The following ERICH3 variants were observed in gnomAD, a reference collection of about 807,000 sequenced individuals.
The protein encoded by ERICH3 is glutamate-rich protein 3.
Under a neutral mutation model 131.1 loss-of-function variants are expected in ERICH3, and 126 were observed. The ratio of observed to expected loss-of-function variants is 0.96; its 90% CI spans 0.83 to 1.11. ERICH3 has a LOEUF of 1.11. ERICH3 is among the 50% of genes most tolerant of loss of function. The probability of loss-of-function intolerance (pLI) is 0.00; values close to 1 mark genes in which losing one functional copy is unlikely to be tolerated. For synonymous variants in ERICH3, 695 were observed against 644.6 expected (o/e 1.08, Z -1.18); for missense variants, 2,050 against 1,810.7 (o/e 1.13, Z -2.40).
chr1:74,579,607 C>T, intron 12 of ERICH3: 1 of 985,352 alleles, frequency 1.0e-6, no homozygotes, highest in Non-Finnish European at 1.2e-6. Flanking sequence ...CCAGAAAAGG[C>T]TTCACTTGGT....
rs752741389 is a variant in ERICH3 at position 74,646,711 on chromosome 1, C to A, written c.199G>T (p.Glu67Ter). The change falls in exon 3 of 15, where the codon GAA becomes TAA. Residue 67 changes from glutamate (E) to a stop codon, truncating the protein, a stop_gained. Transcript: ENST00000326665. LOFTEE classifies it high-confidence loss of function. Reference sequence around the variant, plus strand: ...TGAAAAATTGCCTGGGCTAAGCATTCCCGGATATATTTTTGATGATCCCGC... The same window carrying A: ...TGAAAAATTGCCTGGGCTAAGCATTACCGGATATATTTTTGATGATCCCGC... ...MKRDHQKYIRECLAQAIFHKV... is the reference protein window; with the variant it reads ...MKRDHQKYIR The A allele has an allele frequency of 6.7e-7, 1 of 1,485,600 alleles. No individual in the cohort carries two copies. The highest frequency in any genetic ancestry group is 1.3e-5 in the South Asian group (1 of 77,680). 92.0% of individuals were successfully genotyped at this position (1,485,600 alleles called of 1,614,324 possible). A position where few individuals can be genotyped will look rare whatever the true frequency, so the allele number is the denominator to read the frequency against.
chr1:74,611,896 T>C (rs897869772), intron 9 of ERICH3, among the ~76,000 whole-genome samples: 1 of 152,204 alleles, frequency 6.6e-6, no homozygotes, highest in Non-Finnish European at 1.5e-5. Context: ...ATCTCACATA[T>C]ATTAATTGCT....
In ERICH3 at chr1:74,591,037, A is replaced by G. The variant is rs535578959; in HGVS notation, c.1727-957T>C. Among the ~76,000 whole-genome samples, 23 of 152,286 alleles carry G rather than the reference A, an allele frequency of 1.5e-4. No homozygotes were observed. The East Asian group carries it at 3.7e-3, about 24-fold the overall frequency. ...GTGCATGAAACTTAAATTTTTGTCT[A>G]CTGTACTATCCACCATCCTAGTATA... On this transcript the variant is annotated intron_variant, in intron 11 of 14. Transcript: ENST00000326665.
At chr1:74,626,551 T>A (rs2100617794) in intron 7 of ERICH3, among the ~76,000 whole-genome samples, 1 of 152,320 alleles carries the variant, frequency 6.6e-6, no homozygotes, top group African/African-American at 2.4e-5. Context: ...AGTAGGTTCT[T>A]ATTTGGAAGC....
At chr1:74,587,642 A>T (rs1447290519) in intron 12 of ERICH3, among the ~76,000 whole-genome samples, 4 of 152,182 alleles carry the variant, frequency 2.6e-5, no homozygotes, top group Non-Finnish European at 5.9e-5. Flanking sequence ...CTACTTACAC[A>T]AATTCAGGTA....
At chr1:74,608,155 C>A (rs1335150585) in intron 9 of ERICH3, among the ~76,000 whole-genome samples, 1 of 151,880 alleles carries the variant, frequency 6.6e-6, no homozygotes, top group African/African-American at 2.4e-5. Context: ...TATGATTTAA[C>A]TAGTAGAGAT....
chr1:74,644,172 T>G (rs942148952), intron 3 of ERICH3, among the ~76,000 whole-genome samples: 1 of 152,050 alleles, frequency 6.6e-6, no homozygotes, highest in African/African-American at 2.4e-5. Flanking sequence ...TTAGGAACCC[T>G]GCAGACTCAA....
At chr1:74,596,060 T>C (rs550868253) in intron 11 of ERICH3, among the ~76,000 whole-genome samples, 6 of 152,152 alleles carry the variant, frequency 3.9e-5, no homozygotes, top group Non-Finnish European at 7.4e-5. Flanking sequence ...AGCCAAAAGA[T>C]TAAGGGTGAG....
chr1:74,634,704 G>T, intron 6 of ERICH3: 2 of 709,740 alleles, frequency 2.8e-6, no homozygotes, highest in South Asian at 3.0e-5. Flanking sequence ...GTACTATCTA[G>T]GGGAGAGGAA....
Position 74,643,105 on chromosome 1 carries a change from A to T in ERICH3, c.244-7T>A. 6.2e-7 allele frequency: 1 copy of T among 1,605,684 alleles called. No homozygotes were observed. The highest frequency in any genetic ancestry group is 8.5e-7 in the Non-Finnish European group (1 of 1,175,132). On this transcript the variant is annotated splice_region_variant and splice_polypyrimidine_tract_variant and intron_variant, in intron 3 of 14. Transcript: ENST00000326665. Reference sequence around the variant, plus strand: ...TTTCAAGCTGATGGTAACGCTAAGCATACAGGAAAGAATAAAGGAGAGAAT... The same window carrying T: ...TTTCAAGCTGATGGTAACGCTAAGCTTACAGGAAAGAATAAAGGAGAGAAT...
At chr1:74,615,159 C>T (rs571616043) in intron 8 of ERICH3, 2 of 152,110 alleles carry the variant, frequency 1.3e-5, no homozygotes, top group Non-Finnish European at 1.5e-5. Flanking sequence ...GAACTGCCAC[C>T]CTTTGCCTTT....
chr1:74,657,050 C>T (rs1464926347), intron 1 of ERICH3, among the ~76,000 whole-genome samples: 1 of 152,140 alleles, frequency 6.6e-6, no homozygotes, highest in African/African-American at 2.4e-5. Flanking sequence ...GGTCCAATTC[C>T]TTGACATATA....
At chr1:74,649,832 T>A (rs938561755) in intron 1 of ERICH3, among the ~76,000 whole-genome samples, 1 of 152,110 alleles carries the variant, frequency 6.6e-6, no homozygotes, top group Non-Finnish European at 1.5e-5. Context: ...ATAATATCTG[T>A]GGTGTATAAG....
At position 74,612,659 on chromosome 1, in the gene ERICH3, C is replaced by A; in HGVS notation, c.1151G>T (p.Gly384Val). The A allele has an allele frequency of 6.3e-7, 1 of 1,588,680 alleles. No individual in the cohort carries two copies. Among genetic ancestry groups the A allele is most frequent in the Non-Finnish European group, 8.6e-7 (1 of 1,160,988 alleles). The change falls in exon 9 of 15, where the codon GGG (glycine) becomes GTG (valine). Residue 384 changes from glycine (G) to valine (V), a missense_variant. Gly to Val is a moderately radical substitution (Grantham distance 109). Coordinates refer to ENST00000326665, the MANE Select transcript of ERICH3 (RefSeq NM_001002912.5). ...AGATGATCTCTCAACACACACAAAC[C>A]CAAAGTAGCCTCGTTTGCCTCCAAG... ...SRLGGKRGYFGFVCVERSSPC... is the reference protein window; with the variant it reads ...SRLGGKRGYFVFVCVERSSPC...
At chr1:74,579,680 A>T (rs1460925647) in intron 12 of ERICH3, 1 of 985,264 alleles carries the variant, frequency 1.0e-6, no homozygotes, top group Non-Finnish European at 1.2e-6. Context: ...CTGGTGTCTA[A>T]CCTCAACTGT....
intron 11 of ERICH3, among the ~76,000 whole-genome samples, chr1:74,595,915 A>G (rs1326724336): frequency 6.6e-6 from 1 of 152,080 alleles, no homozygotes; most frequent in Admixed American, 6.6e-5. Flanking sequence ...GAAGCCATCT[A>G]TAACATTCCC....
chr1:74,572,196 C>T lies in ERICH3; in HGVS notation c.3514G>A (p.Ala1172Thr). 2 of 1,614,172 alleles carry T rather than the reference C, an allele frequency of 1.2e-6. No individual in the cohort carries two copies. The highest frequency in any genetic ancestry group is 2.7e-5 in the African/African-American group (2 of 75,056). ...TCCCCTCCTCCTTCTTTCCTCAGAG[C>T]TGTTATGTTTTCCAGCGACTTTTCA... ...GFEKSLENITALRKEGGGERL... is the reference protein window; with the variant it reads ...GFEKSLENITTLRKEGGGERL... The change falls in exon 14 of 15, where the codon GCT (alanine) becomes ACT (threonine). Residue 1172 changes from alanine to threonine, a missense_variant. Transcript: ENST00000326665.
At chr1:74,640,838 T>C (rs902626006) in intron 5 of ERICH3, among the ~76,000 whole-genome samples, 1 of 152,028 alleles carries the variant, frequency 6.6e-6, no homozygotes, top group Non-Finnish European at 1.5e-5. Context: ...ATGGTACCAT[T>C]GAATATGTAG....
chr1:74,601,023 G>A (rs563691488), intron 10 of ERICH3, among the ~76,000 whole-genome samples: 32 of 151,272 alleles, frequency 2.1e-4, no homozygotes, highest in African/African-American at 6.8e-4. Flanking sequence ...AGAGGATGAG[G>A]GAGATGTAAG....
Sources: gnomAD v4.1 joint callset for allele counts (sites outside exome capture counted in the v4.1 genomes callset) on GRCh38, gnomAD v4.1.1 for gene constraint, MANE v1.5 for transcripts, NCBI Gene and HGNC (gene_info 2026-07-23, HGNC 2026-07-21) for gene names.